The following SLC1A2 variants were observed in gnomAD, a reference collection of about 807,000 sequenced individuals.
SLC1A2 encodes excitatory amino acid transporter 2.
Under a neutral mutation model 48.8 loss-of-function variants are expected in SLC1A2, and 15 were observed. The observed-to-expected ratio is 0.31, with a 90% CI of 0.21 to 0.47. The LOEUF (loss-of-function observed/expected upper bound fraction) is 0.47. Ranked by LOEUF, SLC1A2 falls within the 20% of genes least tolerant of loss-of-function variation. The probability of loss-of-function intolerance (pLI) is 0.99; values close to 1 mark genes in which losing one functional copy is unlikely to be tolerated. For synonymous variants in SLC1A2, 279 were observed against 272.6 expected (o/e 1.02, Z -0.23); for missense variants, 502 against 730.5 (o/e 0.69, Z 3.61).
At position 35,315,112 on chromosome 11, in the gene SLC1A2, A is replaced by G. The variant is rs1460321025; in HGVS notation, c.221T>C (p.Val74Ala). ...LRLASPIHPD[V>A]VMLIAFPGDI... ...CCCTGGGAAGGCTATTAACATAACC[A>G]CATCAGGGTGGATGGGAGATGCCAA... Residue 74 changes from valine to alanine, a missense_variant, in exon 3 of 11, where the codon GTG becomes GCG. Transcript: ENST00000278379. 1 of 1,612,268 alleles carries G rather than the reference A, an allele frequency of 6.2e-7. No homozygotes were observed. Among genetic ancestry groups the G allele is most frequent in the Admixed American group, 1.7e-5 (1 of 60,000 alleles).
intron 10 of SLC1A2, among the ~76,000 whole-genome samples, chr11:35,263,806 T>C (rs1950435566): frequency 6.6e-6 from 1 of 152,236 alleles, no homozygotes; most frequent in Non-Finnish European, 1.5e-5. Flanking sequence ...ATTTATGGCT[T>C]TATAGATAAT....
chr11:35,408,698 A>G (rs1331356999), intron 1 of SLC1A2, among the ~76,000 whole-genome samples: 1 of 152,218 alleles, frequency 6.6e-6, no homozygotes, highest in East Asian at 1.9e-4. Context: ...GGTCCAGAGG[A>G]CAAAAGGGTA....
intron 1 of SLC1A2, among the ~76,000 whole-genome samples, chr11:35,374,773 TAATAACTA>T (rs1854171172): frequency 6.6e-6 from 1 of 152,186 alleles, no homozygotes; most frequent in Non-Finnish European, 1.5e-5. Context: ...TATTATTTTT[TAATAACTA>T]TTATCTTATA....
intron 1 of SLC1A2, among the ~76,000 whole-genome samples, chr11:35,343,525 C>T (rs1590209675): frequency 6.6e-6 from 1 of 152,180 alleles, no homozygotes; most frequent in Non-Finnish European, 1.5e-5. Flanking sequence ...TACACACACA[C>T]TCCCCTTTCT....
chr11:35,369,518 C>T (rs905274817), intron 1 of SLC1A2, among the ~76,000 whole-genome samples: 1 of 152,132 alleles, frequency 6.6e-6, no homozygotes, highest in Non-Finnish European at 1.5e-5. Flanking sequence ...AAATAAAAAG[C>T]CATGGGGCCT....
intron 1 of SLC1A2, among the ~76,000 whole-genome samples, chr11:35,326,879 A>T (rs952957846): frequency 7.9e-5 from 12 of 152,182 alleles, no homozygotes; most frequent in Admixed American, 6.5e-5. Context: ...AACTCACGGA[A>T]AAAGCAACCC....
intron 9 of SLC1A2, among the ~76,000 whole-genome samples, chr11:35,271,751 G>A (rs1850285379): frequency 6.6e-6 from 1 of 152,166 alleles, no homozygotes; most frequent in Admixed American, 6.5e-5. Flanking sequence ...GCTGAGGTGG[G>A]AGAATCGCTT....
chr11:35,418,766 A>G, intron 1 of SLC1A2, 184 bp downstream of exon 1: 1 of 599,048 alleles, frequency 1.7e-6, no homozygotes. Flanking sequence ...TCAAAGGATT[A>G]AGCAGCAATC....
At chr11:35,418,850 G>A in intron 1 of SLC1A2, 100 bp downstream of exon 1, 1 of 1,097,618 alleles carries the variant, frequency 9.1e-7, no homozygotes, top group Admixed American at 2.0e-5. Flanking sequence ...CCACCTCCGA[G>A]GCCCGCCGCC....
At chr11:35,376,072 T>C (rs1570227) in intron 1 of SLC1A2, among the ~76,000 whole-genome samples, 125,708 of 152,154 alleles carry the variant, frequency 0.83, 52,527 homozygotes, top group East Asian at 0.95. Context: ...TCTATTAGGC[T>C]TAAAAACTCC....
rs1270047965 is a variant in SLC1A2, at chr11:35,278,271, TTG to T, written c.1421+2594_1421+2595del. On this transcript the variant is annotated intron_variant, in intron 9 of 10. Transcript: ENST00000278379. ...AGCCACTTCTTACTTCTGTTTTTTT[TTG>T]TTTTTTTTTTTTTTTTTTTTAGATG... Among the ~76,000 whole-genome samples the T allele has an allele frequency of 3.7e-3, 349 of 94,616 alleles. 15 individuals carry two copies. Among genetic ancestry groups the T allele is most frequent in the Middle Eastern group, 0.013 (2 of 156 alleles). 62.1% of individuals were successfully genotyped at this position (94,616 alleles called of 152,430 possible). A position where few individuals can be genotyped will look rare whatever the true frequency, so the allele number is the denominator to read the frequency against.
At chr11:35,274,618 A>G (rs1458377448) in intron 9 of SLC1A2, among the ~76,000 whole-genome samples, 1 of 152,110 alleles carries the variant, frequency 6.6e-6, no homozygotes, top group African/African-American at 2.4e-5. Flanking sequence ...AAAACAGCAG[A>G]ACTCAGATGA....
Position 35,383,062 on chromosome 11 carries a change from C to T in SLC1A2, c.17+35888G>A, listed in dbSNP as rs538993080. On this transcript the variant is annotated intron_variant, in intron 1 of 10. Transcript: ENST00000278379. Reference sequence around the variant, plus strand: ...AGTGTTATGACAGAGGAATTTTAGGCATGTCCAAGAGTAAGGGATCAGTTA... The same window carrying T: ...AGTGTTATGACAGAGGAATTTTAGGTATGTCCAAGAGTAAGGGATCAGTTA... 1.8e-4 allele frequency among the ~76,000 whole-genome samples: 27 copies of T among 152,244 alleles called. 1 individual carries two copies. In the South Asian group the frequency reaches 5.6e-3, roughly 32 times the overall value.
intron 5 of SLC1A2, among the ~76,000 whole-genome samples, chr11:35,304,460 G>T (rs1285965065): frequency 6.6e-6 from 1 of 152,158 alleles, no homozygotes; most frequent in Admixed American, 6.5e-5. Context: ...GCTGCTCGGT[G>T]GTGGGTGCTG....
chr11:35,390,192 T>C (rs1434593769), intron 1 of SLC1A2, among the ~76,000 whole-genome samples: 1 of 152,170 alleles, frequency 6.6e-6, no homozygotes, highest in Admixed American at 6.5e-5. Context: ...CTTTAGCACG[T>C]ACAGTAATGA....
chr11:35,302,576 C>T (rs532100709), intron 5 of SLC1A2, among the ~76,000 whole-genome samples: 124 of 152,250 alleles, frequency 8.1e-4, no homozygotes, highest in African/African-American at 3.0e-3. Flanking sequence ...GGACCAACTC[C>T]AATACCCAAC....
chr11:35,396,531 T>G (rs1457272346), intron 1 of SLC1A2, among the ~76,000 whole-genome samples: 3 of 149,726 alleles, frequency 2.0e-5, no homozygotes, highest in African/African-American at 4.9e-5. Flanking sequence ...GTTGTTTGTT[T>G]TTTTCTTGTA....
chr11:35,322,999 T>A, intron 1 of SLC1A2: 1 of 547,632 alleles, frequency 1.8e-6, no homozygotes, highest in Non-Finnish European at 3.3e-6. Context: ...TGTCAGTCTC[T>A]CTCTGACAGA....
chr11:35,363,079 A>G (rs114336763), intron 1 of SLC1A2, among the ~76,000 whole-genome samples: 1,578 of 152,288 alleles, frequency 0.01, 24 homozygotes, highest in African/African-American at 0.036. Context: ...CAGACCCTCA[A>G]AGTCGGACTC....
Sources: allele counts gnomAD v4.1 joint callset (sites outside exome capture counted in the v4.1 genomes callset), GRCh38; gene constraint gnomAD v4.1.1; transcripts MANE v1.5; gene names NCBI Gene and HGNC (gene_info 2026-07-23, HGNC 2026-07-21).